Variants in ABCA4 observed in about 807,000 individuals in gnomAD.
The protein encoded by ABCA4 is retinal-specific phospholipid-transporting ATPase ABCA4.
In ABCA4, 196 loss-of-function variants were observed where a neutral mutation model predicts 263.7. The ratio of observed to expected loss-of-function variants is 0.74; its 90% CI spans 0.66 to 0.84. ABCA4 has a LOEUF of 0.84. Among genes scored for constraint, ABCA4 ranks in the 40% least tolerant of loss-of-function variants. The probability of loss-of-function intolerance (pLI) is 0.00; values close to 1 mark genes in which losing one functional copy is unlikely to be tolerated. For synonymous variants in ABCA4, 1,133 were observed against 1,094.2 expected, an observed-to-expected ratio of 1.04 and a Z score of -0.70; for missense variants, 2,792 against 2,855.1, an observed-to-expected ratio of 0.98 and a Z score of 0.50.
chr1:94,062,561 C>A lies in ABCA4; in HGVS notation c.1937+16G>T. 1 of 1,614,030 alleles carries A rather than the reference C, an allele frequency of 6.2e-7. No homozygotes were observed. The highest frequency in any genetic ancestry group is 2.2e-5 in the East Asian group (1 of 44,872). On this transcript the variant is annotated intron_variant, in intron 13 of 49. Coordinates refer to ENST00000370225, the MANE Select transcript of ABCA4 (RefSeq NM_000350.3). ...ATTAGCGTGTCATGGAGGAGGATCG[C>A]GAACTTCAGACTCACGAATCGTCCA...
chr1:94,088,840 G>T lies in ABCA4; in HGVS notation c.769-5399C>A, dbSNP rs1030929388. On this transcript the variant is annotated intron_variant, in intron 6 of 49. Coordinates refer to ENST00000370225, the MANE Select transcript of ABCA4 (RefSeq NM_000350.3). ...ATAATAGGAAGGCATCTAAGAGGGG[G>T]TAGGAGCCCAGAGGCACAACCTAAG... is the stretch of plus-strand genomic sequence containing the variant. Among the ~76,000 whole-genome samples the T allele has an allele frequency of 5.3e-5, 8 of 152,224 alleles. 1 individual carries two copies. Among genetic ancestry groups the T allele is most frequent in the Admixed American group, 3.9e-4 (6 of 15,284 alleles).
intron 3 of ABCA4, among the ~76,000 whole-genome samples, chr1:94,110,021 T>C (rs1488080476): frequency 6.6e-6 from 1 of 152,098 alleles, no homozygotes; most frequent in Admixed American, 6.5e-5. Flanking sequence ...CAAAGCTCCA[T>C]GCAGCCTCCA....
rs140281495 is a variant in ABCA4 at position 94,055,122 on chromosome 1, T to C, written c.2576A>G (p.Gln859Arg). Residue 859 changes from glutamine to arginine, a missense_variant, in exon 16 of 50, where the codon CAG becomes CGG. Physicochemically the swap from Gln to Arg is conservative, Grantham distance 43. Transcript: ENST00000370225. ...VYGLLAWYLDQVFPGDYGTPL... is the reference protein window; with the variant it reads ...VYGLLAWYLDRVFPGDYGTPL... ...AGGAGGATGCTTACCTGGAAACACC[T>C]GATCAAGGTACCAAGCGAGTAAGCC... is the stretch of plus-strand genomic sequence containing the variant. The C allele has an allele frequency of 1.2e-4, 188 of 1,614,022 alleles. No homozygotes were observed. The highest frequency in any genetic ancestry group is 1.5e-4 in the Non-Finnish European group (175 of 1,179,998).
Position 94,078,699 on chromosome 1 carries a change from G to C in ABCA4, c.1247C>G (p.Ser416Ter). The C allele has an allele frequency of 6.2e-7, 1 of 1,612,140 alleles. No individual in the cohort carries two copies. Among genetic ancestry groups the C allele is most frequent in the East Asian group, 2.2e-5 (1 of 44,836 alleles). Residue 416 changes from serine to a stop codon, truncating the protein, a stop_gained, in exon 10 of 50, where the codon TCA becomes TGA. Transcript: ENST00000370225. LOFTEE classifies it high-confidence loss of function. ...AACGTGTTCCAGTTCTTCAAAAGTT[G>C]AGTTGGCCTAAAACCAGACAGAGAT... ...AARRILKNAN[S>*]TFEELEHVRK...
intron 38 of ABCA4, among the ~76,000 whole-genome samples, chr1:94,014,192 A>C (rs1378253720): frequency 2.0e-5 from 3 of 147,066 alleles, no homozygotes; most frequent in Non-Finnish European, 4.4e-5. Flanking sequence ...GAAAGAAGGA[A>C]GAAAGAAGGA....
At chr1:94,022,485 G>T (rs745716075) in intron 32 of ABCA4, among the ~76,000 whole-genome samples, 1 of 152,016 alleles carries the variant, frequency 6.6e-6, no homozygotes, top group Non-Finnish European at 1.5e-5. Flanking sequence ...CCTACCTCTC[G>T]GGGCTTCTGT....
At chr1:94,072,570 AT>A (rs1661433530) in intron 11 of ABCA4, among the ~76,000 whole-genome samples, 1 of 152,214 alleles carries the variant, frequency 6.6e-6, no homozygotes, top group African/African-American at 2.4e-5. Context: ...AATTTTTCTA[AT>A]TGAGCTTTTC....
At chr1:94,092,569 C>A (rs1037136644) in intron 6 of ABCA4, among the ~76,000 whole-genome samples, 1 of 152,168 alleles carries the variant, frequency 6.6e-6, no homozygotes, top group South Asian at 2.1e-4. Context: ...ACATGTCAAA[C>A]GGTCTCTACC....
At chr1:94,008,950 C>T in intron 40 of ABCA4, 79 bp from the exon 41 acceptor site, 2 of 1,577,868 alleles carry the variant, frequency 1.3e-6, no homozygotes, top group Non-Finnish European at 1.7e-6. Flanking sequence ...ACCTCTCTTC[C>T]ACTTCCTTGC....
At chr1:94,026,526 C>G (rs1660044175) in intron 30 of ABCA4, among the ~76,000 whole-genome samples, 1 of 152,220 alleles carries the variant, frequency 6.6e-6, no homozygotes, top group African/African-American at 2.4e-5. Flanking sequence ...CCTCCTTGCT[C>G]TTTTCACTGA....
chr1:94,107,186 C>A (rs1471154980), intron 4 of ABCA4, among the ~76,000 whole-genome samples: 1 of 152,202 alleles, frequency 6.6e-6, no homozygotes. Context: ...TCCCTGTTAA[C>A]CTCTAAGGTC....
At chr1:94,043,767 A>C (rs564454501) in intron 20 of ABCA4, among the ~76,000 whole-genome samples, 24 of 114,888 alleles carry the variant, frequency 2.1e-4, no homozygotes, top group South Asian at 4.4e-4. Context: ...TTAAAAAAGC[A>C]ATCCTTTTTT....
intron 3 of ABCA4, among the ~76,000 whole-genome samples, chr1:94,110,621 T>G (rs981796032): frequency 6.6e-6 from 1 of 152,148 alleles, no homozygotes; most frequent in Non-Finnish European, 1.5e-5. Flanking sequence ...TAAGCCTCTG[T>G]CTCTAGAATA....
intron 1 of ABCA4, among the ~76,000 whole-genome samples, chr1:94,117,075 CCTCT>C (rs144835850): frequency 7.1e-6 from 1 of 140,892 alleles, no homozygotes; most frequent in Non-Finnish European, 1.5e-5. Context: ...TCTCTCTCTT[CCTCT>C]CTCTCTCTCT....
chr1:94,079,258 C>A, intron 9 of ABCA4, 64 bp downstream of exon 9: 1 of 1,603,300 alleles, frequency 6.2e-7, no homozygotes, highest in Non-Finnish European at 8.5e-7. Flanking sequence ...CTCACACACA[C>A]ACACACACAC....
At chr1:94,013,993 A>G (rs922766952) in intron 38 of ABCA4, among the ~76,000 whole-genome samples, 2 of 152,124 alleles carry the variant, frequency 1.3e-5, no homozygotes, top group Non-Finnish European at 2.9e-5. Context: ...TTCCTTTTAG[A>G]TTTTGAAATT....
intron 6 of ABCA4, among the ~76,000 whole-genome samples, chr1:94,097,802 T>G (rs1040870930): frequency 2.6e-5 from 4 of 152,196 alleles, no homozygotes; most frequent in Non-Finnish European, 5.9e-5. Context: ...CAGGCTGGAG[T>G]GCAGTGGCGC....
At chr1:94,112,692 A>G (rs1662643620) in intron 2 of ABCA4, among the ~76,000 whole-genome samples, 1 of 152,214 alleles carries the variant, frequency 6.6e-6, no homozygotes, top group South Asian at 2.1e-4. Context: ...GCACTTTGGA[A>G]GCCCAGGCAG....
intron 1 of ABCA4, among the ~76,000 whole-genome samples, chr1:94,120,428 T>G (rs905279175): frequency 6.6e-6 from 1 of 152,208 alleles, no homozygotes; most frequent in African/African-American, 2.4e-5. Context: ...ACACTGTTAC[T>G]TTTCTGCACC....
Sources: gnomAD v4.1 joint callset for allele counts (sites outside exome capture counted in the v4.1 genomes callset) on GRCh38, gnomAD v4.1.1 for gene constraint, MANE v1.5 for transcripts, NCBI Gene and HGNC (gene_info 2026-07-23, HGNC 2026-07-21) for gene names.